The following TAF4B variants were observed in gnomAD, a reference collection of about 807,000 sequenced individuals.
TAF4B encodes the protein transcription initiation factor TFIID subunit 4B.
A neutral mutation model predicts 86.4 loss-of-function variants in TAF4B; 38 were observed. The ratio of observed to expected loss-of-function variants is 0.44; its 90% confidence interval spans 0.34 to 0.58. The LOEUF (loss-of-function observed/expected upper bound fraction) is 0.58, where lower values mean the gene tolerates loss of function less well. Ranked by LOEUF, TAF4B falls within the 20% of genes least tolerant of loss-of-function variation. The pLI, the probability that TAF4B is intolerant of heterozygous loss-of-function variation, is 0.02. For missense variants in TAF4B, 988 were observed against 1,027.6 expected (o/e 0.96, Z 0.53); for synonymous variants, 388 against 391.2 (o/e 0.99, Z 0.10).
intron 11 of TAF4B, among the ~76,000 whole-genome samples, chr18:26,324,133 A>G (rs2056985347): frequency 6.6e-6 from 1 of 152,310 alleles, no homozygotes; most frequent in Non-Finnish European, 1.5e-5. Flanking sequence ...TTGGATTGTT[A>G]TCAGCTTACT....
rs148681992 is a variant in TAF4B, at chr18:26,373,032, G to A, written c.2421+15238G>A. Among the ~76,000 whole-genome samples the A allele has an allele frequency of 6.0e-3, 915 of 152,034 alleles. 7 individuals carry two copies. Among genetic ancestry groups the A allele is most frequent in the Non-Finnish European group, 1.0e-2 (679 of 67,966 alleles). ...GCTTGCATACCAGAAGGTGAGCAAT[G>A]AGTCCCACAGAAATGTAGGGGCCTA... is the stretch of plus-strand genomic sequence containing the variant. On this transcript the variant is annotated intron_variant, in intron 14 of 14. Coordinates refer to ENST00000269142, the MANE Select transcript of TAF4B (RefSeq NM_005640.3).
chr18:26,306,182 T>C (rs987825401), intron 9 of TAF4B, among the ~76,000 whole-genome samples: 2 of 152,234 alleles, frequency 1.3e-5, no homozygotes, highest in Non-Finnish European at 2.9e-5. Context: ...TTAATGTTTT[T>C]AATGTTTAAT....
chr18:26,250,008 C>T (rs915783314), intron 1 of TAF4B, among the ~76,000 whole-genome samples: 5 of 152,172 alleles, frequency 3.3e-5, no homozygotes, highest in African/African-American at 1.2e-4. Flanking sequence ...CAGGCATGAG[C>T]CACTGCAGCC....
intron 14 of TAF4B, 109 bp from the exon 15 acceptor site, chr18:26,389,736 A>G: frequency 8.7e-7 from 1 of 1,154,034 alleles, no homozygotes; most frequent in Non-Finnish European, 1.2e-6. Flanking sequence ...TATCTCCAGT[A>G]CCTAACCCAG....
intron 9 of TAF4B, among the ~76,000 whole-genome samples, chr18:26,299,845 A>C (rs16942236): frequency 0.011 from 1,602 of 152,242 alleles, 29 homozygotes; most frequent in African/African-American, 0.037. Flanking sequence ...GAATGTGTAT[A>C]GATGCTTTAA....
chr18:26,358,792 G>A (rs573923424), intron 14 of TAF4B, among the ~76,000 whole-genome samples: 8 of 152,274 alleles, frequency 5.3e-5, no homozygotes, highest in African/African-American at 1.7e-4. Flanking sequence ...GTATGCTAAG[G>A]GCTCTGAGAT....
At chr18:26,302,596 C>G (rs2056747809) in intron 9 of TAF4B, among the ~76,000 whole-genome samples, 1 of 151,968 alleles carries the variant, frequency 6.6e-6, no homozygotes, top group Non-Finnish European at 1.5e-5. Flanking sequence ...CTGGTGGCCT[C>G]AAGTGATCCT....
intron 9 of TAF4B, among the ~76,000 whole-genome samples, chr18:26,310,418 C>T (rs2056841431): frequency 6.6e-6 from 1 of 151,946 alleles, no homozygotes; most frequent in African/African-American, 2.4e-5. Context: ...GTATGCTACG[C>T]TACATTTGAG....
intron 1 of TAF4B, among the ~76,000 whole-genome samples, chr18:26,261,349 C>T (rs936968114): frequency 2.8e-3 from 421 of 151,340 alleles, no homozygotes; most frequent in East Asian, 4.8e-3. Context: ...TACAGGCGCC[C>T]GCCACTACGC....
chr18:26,292,161 C>A, intron 7 of TAF4B, 85 bp from the exon 8 acceptor site: 1 of 1,441,402 alleles, frequency 6.9e-7, no homozygotes, highest in East Asian at 2.5e-5. Context: ...GCTGGGGGAA[C>A]ACAATCTGTT....
intron 1 of TAF4B, among the ~76,000 whole-genome samples, chr18:26,244,596 T>G (rs2055893801): frequency 6.6e-6 from 1 of 152,148 alleles, no homozygotes; most frequent in Non-Finnish European, 1.5e-5. Context: ...CAAGTCCCAG[T>G]TAGATGAACC....
At chr18:26,321,910 A>G (rs1371316647) in intron 11 of TAF4B, among the ~76,000 whole-genome samples, 4 of 152,282 alleles carry the variant, frequency 2.6e-5, no homozygotes, top group African/African-American at 7.2e-5. Context: ...GGCTACTTTT[A>G]TTAAAAAAAC....
chr18:26,323,140 A>G (rs2056976343), intron 11 of TAF4B, among the ~76,000 whole-genome samples: 1 of 152,160 alleles, frequency 6.6e-6, no homozygotes, highest in Admixed American at 6.5e-5. Flanking sequence ...GGCTTGTTTT[A>G]TGACTTAACA....
At chr18:26,290,729 C>G (rs1400393206) in intron 7 of TAF4B, among the ~76,000 whole-genome samples, 2 of 152,166 alleles carry the variant, frequency 1.3e-5, no homozygotes, top group Non-Finnish European at 1.5e-5. Context: ...TGACAACTTT[C>G]ACACTGGTAA....
chr18:26,323,127 T>C (rs1287238733), intron 11 of TAF4B, among the ~76,000 whole-genome samples: 1 of 152,200 alleles, frequency 6.6e-6, no homozygotes, highest in East Asian at 1.9e-4. Flanking sequence ...TAAAATGTAC[T>C]GAGGCTTGTT....
chr18:26,227,219 G>T lies in TAF4B; in HGVS notation c.286G>T (p.Val96Leu). The part of the protein sequence containing the change: ...PRLPAPQIVA[V>L]KAPNTTTIQF... Reference sequence around the variant, plus strand: ...GCTGCCTGCTCCTCAGATAGTCGCCGTGAAAGCCCCCAACACCACGACAAT... The same window carrying T: ...GCTGCCTGCTCCTCAGATAGTCGCCTTGAAAGCCCCCAACACCACGACAAT... Residue 96 changes from valine to leucine, a missense_variant, in exon 1 of 15, where the codon GTG becomes TTG. Val to Leu is a conservative substitution (Grantham distance 32). Transcript: ENST00000269142. 1 of 1,613,800 alleles carries T rather than the reference G, an allele frequency of 6.2e-7. No homozygotes were observed. The highest frequency in any genetic ancestry group is 8.5e-7 in the Non-Finnish European group (1 of 1,179,876).
intron 1 of TAF4B, among the ~76,000 whole-genome samples, chr18:26,243,570 A>T (rs1232636892): frequency 2.6e-5 from 4 of 152,196 alleles, no homozygotes; most frequent in African/African-American, 9.6e-5. Context: ...GGTCGTCTGA[A>T]GCCTTCTTCT....
chr18:26,313,388 G>A (rs1395996825), intron 9 of TAF4B, among the ~76,000 whole-genome samples: 1 of 152,118 alleles, frequency 6.6e-6, no homozygotes, highest in Non-Finnish European at 1.5e-5. Context: ...ATGTTTAAAT[G>A]TTTAGATGTT....
chr18:26,315,288 A>C lies in TAF4B; in HGVS notation c.1892A>C (p.Asn631Thr). Residue 631 changes from asparagine (N) to threonine (T), a missense_variant, in exon 10 of 15, where the codon AAT (asparagine) becomes ACT (threonine). Physicochemically the swap from Asn to Thr is moderately conservative, Grantham distance 65. Transcript: ENST00000269142. The stretch of plus-strand genomic sequence containing the variant: ...GCAGGGGTCAACCTTAATGAAGAAA[A>C]TGCCTGCATCTTAGCAACAAACTCT... ...SMAGVNLNEE[N>T]ACILATNSEL... The C allele has an allele frequency of 1.2e-6, 2 of 1,613,556 alleles. No homozygotes were observed. The highest frequency in any genetic ancestry group is 1.7e-6 in the Non-Finnish European group (2 of 1,179,940).
Sources: gnomAD v4.1 joint callset for allele counts (sites outside exome capture counted in the v4.1 genomes callset) on GRCh38, gnomAD v4.1.1 for gene constraint, MANE v1.5 for transcripts, NCBI Gene and HGNC (gene_info 2026-07-23, HGNC 2026-07-21) for gene names.